The following ALK variants were observed in gnomAD, a reference collection of about 807,000 sequenced individuals.
ALK encodes ALK tyrosine kinase receptor.
ALK carries 74 observed loss-of-function variants against 163.1 expected under a neutral mutation model. The ratio of observed to expected loss-of-function variants is 0.45; its 90% CI spans 0.38 to 0.55. The LOEUF (loss-of-function observed/expected upper bound fraction) is 0.55, where lower values mean the gene tolerates loss of function less well. ALK is among the 20% of genes least tolerant of loss of function. ALK has a pLI of 0.00. For missense variants in ALK, 2,063 were observed against 2,105.3 expected, an observed-to-expected ratio of 0.98 and a Z score of 0.39; for synonymous variants, 960 against 843.2, an observed-to-expected ratio of 1.14 and a Z score of -2.40.
At chr2:29,703,550 T>C (rs1320226117) in intron 2 of ALK, among the ~76,000 whole-genome samples, 5 of 152,216 alleles carry the variant, frequency 3.3e-5, no homozygotes, top group Non-Finnish European at 4.4e-5. Flanking sequence ...TGATGAGGCA[T>C]GTGCTTAGAA....
In ALK at chr2:29,452,331, TG is replaced by T. The variant is rs770578301; in HGVS notation, c.1155-68473del. ...TCTTAGATCTCACTCAAGTTTTTTT[TG>T]TTTTTTTTTTTTTTTTTTTCTTCAT... On this transcript the variant is annotated intron_variant, in intron 4 of 28. Coordinates refer to ENST00000389048, the MANE Select transcript of ALK (RefSeq NM_004304.5). 5.1e-3 allele frequency among the ~76,000 whole-genome samples: 409 copies of T among 79,978 alleles called. 2 individuals carry two copies. Among genetic ancestry groups the T allele is most frequent in the East Asian group, 0.014 (11 of 772 alleles). 52.5% of individuals were successfully genotyped at this position (79,978 alleles called of 152,430 possible). A position where few individuals can be genotyped will look rare whatever the true frequency, so the allele number is the denominator to read the frequency against.
intron 3 of ALK, among the ~76,000 whole-genome samples, chr2:29,654,094 G>C (rs564406998): frequency 1.3e-5 from 2 of 152,086 alleles, no homozygotes; most frequent in African/African-American, 4.8e-5. Flanking sequence ...GAATTGTGTG[G>C]TTAAAAAGTG....
rs1193509859 is a variant in ALK, at chr2:29,431,844, G to C, written c.1155-47985C>G. 2.6e-5 allele frequency among the ~76,000 whole-genome samples: 4 copies of C among 152,092 alleles called. No homozygotes were observed. The East Asian group carries it at 7.7e-4, about 29-fold the overall frequency. On this transcript the variant is annotated intron_variant, in intron 4 of 28. Coordinates refer to ENST00000389048, the MANE Select transcript of ALK (RefSeq NM_004304.5). Reference sequence around the variant, plus strand: ...AGGATTGAGGGCCTACTAGGTAATAGGCACTTTGGGGACCCAGATACAAGT... The same window carrying C: ...AGGATTGAGGGCCTACTAGGTAATACGCACTTTGGGGACCCAGATACAAGT...
chr2:29,272,161 G>C (rs1382440598), intron 11 of ALK, among the ~76,000 whole-genome samples: 1 of 143,788 alleles, frequency 7.0e-6, no homozygotes, highest in African/African-American at 2.5e-5. Flanking sequence ...AAGAGAGAGA[G>C]AGAGAAGGAG....
At chr2:29,379,539 T>G (rs1668843525) in intron 5 of ALK, among the ~76,000 whole-genome samples, 1 of 152,086 alleles carries the variant, frequency 6.6e-6, no homozygotes, top group South Asian at 2.1e-4. Flanking sequence ...CCTACTAAAT[T>G]TAGATGTAGA....
At chr2:29,413,438 C>A (rs554468333) in intron 4 of ALK, among the ~76,000 whole-genome samples, 1 of 152,224 alleles carries the variant, frequency 6.6e-6, no homozygotes, top group Admixed American at 6.5e-5. Flanking sequence ...CCTCCGCCTC[C>A]CAGGTTCAAT....
chr2:29,436,578 G>C (rs1670402795), intron 4 of ALK, among the ~76,000 whole-genome samples: 1 of 152,138 alleles, frequency 6.6e-6, no homozygotes, highest in Admixed American at 6.5e-5. Context: ...CTTCTACTGG[G>C]TATCATGAGG....
chr2:29,605,334 C>T (rs1026570909), intron 3 of ALK, among the ~76,000 whole-genome samples: 4 of 152,178 alleles, frequency 2.6e-5, no homozygotes, highest in African/African-American at 9.7e-5. Context: ...CGGCCCGATT[C>T]CTAACAGGAA....
chr2:29,892,113 C>T (rs1360795168), intron 1 of ALK, among the ~76,000 whole-genome samples: 1 of 152,180 alleles, frequency 6.6e-6, no homozygotes, highest in Admixed American at 6.5e-5. Flanking sequence ...GGTTTCCTGT[C>T]CACTGATGTT....
chr2:29,686,221 TAG>T (rs1384929817), intron 3 of ALK, among the ~76,000 whole-genome samples: 1 of 152,224 alleles, frequency 6.6e-6, no homozygotes, highest in Non-Finnish European at 1.5e-5. Context: ...CCTGAACCTC[TAG>T]AATCTAATCT....
intron 8 of ALK, among the ~76,000 whole-genome samples, chr2:29,300,459 G>A (rs896579979): frequency 6.6e-6 from 1 of 151,418 alleles, no homozygotes; most frequent in Non-Finnish European, 1.5e-5. Context: ...TGAGGCTGAG[G>A]CAGGAGAATC....
chr2:29,896,453 G>A (rs112414484), intron 1 of ALK, among the ~76,000 whole-genome samples: 3 of 152,104 alleles, frequency 2.0e-5, no homozygotes, highest in African/African-American at 7.2e-5. Context: ...GTCAATAAGG[G>A]TGGGGCTCTA....
At chr2:29,324,145 G>A (rs79877195) in intron 6 of ALK, among the ~76,000 whole-genome samples, 7,895 of 152,220 alleles carry the variant, frequency 0.052, 287 homozygotes, top group Non-Finnish European at 0.077. Flanking sequence ...GCCAAATCGC[G>A]CTGTGGGTAG....
chr2:29,633,219 C>A (rs927675078), intron 3 of ALK, among the ~76,000 whole-genome samples: 1 of 152,122 alleles, frequency 6.6e-6, no homozygotes, highest in African/African-American at 2.4e-5. Context: ...GAAATATTTT[C>A]TTCATCATAG....
At chr2:29,229,512 G>C (rs1032643905) in intron 15 of ALK, among the ~76,000 whole-genome samples, 3 of 152,206 alleles carry the variant, frequency 2.0e-5, no homozygotes, top group African/African-American at 7.2e-5. Flanking sequence ...TCTTTGAGCA[G>C]CCACATGTCA....
chr2:29,594,426 CTT>C (rs754184164), intron 3 of ALK, among the ~76,000 whole-genome samples: 25 of 128,894 alleles, frequency 1.9e-4, no homozygotes, highest in Admixed American at 2.4e-4. Context: ...GGTCTCCTCA[CTT>C]TTTTTTTTTT....
intron 12 of ALK, among the ~76,000 whole-genome samples, chr2:29,250,264 G>A (rs968561671): frequency 1.3e-5 from 2 of 152,178 alleles, no homozygotes; most frequent in African/African-American, 4.8e-5. Flanking sequence ...TGTAACTGTG[G>A]GGAGGCTCCT....
rs557401171 is a variant in ALK at position 29,314,141 on chromosome 2, C to CA, written c.1647+4162dup. The stretch of plus-strand genomic sequence containing the variant: ...ATCACCAGCACCCTGAAAAGTCTTA[C>CA]AAAATCAATCAGAGAGCAATTTACA... On this transcript the variant is annotated intron_variant, in intron 8 of 28. Coordinates refer to ENST00000389048, the MANE Select transcript of ALK (RefSeq NM_004304.5). 1.8e-3 allele frequency among the ~76,000 whole-genome samples: 272 copies of CA among 152,220 alleles called. 1 individual carries two copies. The highest frequency in any genetic ancestry group is 3.2e-3 in the Non-Finnish European group (217 of 68,036).
intron 4 of ALK, among the ~76,000 whole-genome samples, chr2:29,420,071 C>A (rs577015753): frequency 1.5e-4 from 22 of 146,900 alleles, no homozygotes; most frequent in Non-Finnish European, 8.9e-5. Context: ...GCAGGAGGAT[C>A]GCTTGAATTT....
Sources: gnomAD v4.1 joint callset for allele counts (sites outside exome capture counted in the v4.1 genomes callset) on GRCh38, gnomAD v4.1.1 for gene constraint, MANE v1.5 for transcripts, NCBI Gene and HGNC (gene_info 2026-07-23, HGNC 2026-07-21) for gene names.